STK33: variants seen among roughly 807,000 people sequenced by gnomAD.
STK33 encodes the protein serine/threonine-protein kinase 33.
STK33 carries 52 observed loss-of-function variants against 58.0 expected under a neutral mutation model. That is an observed-to-expected ratio of 0.90 (90% CI 0.72 to 1.13). The LOEUF (loss-of-function observed/expected upper bound fraction) is 1.13. Ranked by LOEUF, STK33 falls within the 50% of genes most tolerant of loss-of-function variation. STK33 has a pLI of 0.00. For missense variants in STK33, 630 were observed against 604.2 expected (o/e 1.04, Z -0.45); for synonymous variants, 215 against 200.1 (o/e 1.07, Z -0.63).
chr11:8,459,105 T>A (rs1947217757), intron 8 of STK33, among the ~76,000 whole-genome samples: 1 of 152,236 alleles, frequency 6.6e-6, no homozygotes, highest in Non-Finnish European at 1.5e-5. Context: ...GGATTAGCAG[T>A]ACTTGAAATA....
intron 1 of STK33, among the ~76,000 whole-genome samples, chr11:8,553,021 T>G (rs1355444556): frequency 6.7e-6 from 1 of 150,214 alleles, no homozygotes; most frequent in African/African-American, 2.4e-5. Flanking sequence ...GCCAGGCATG[T>G]GGCACACACC....
the STK33 span, among the ~76,000 whole-genome samples, chr11:8,360,301 G>A: frequency 1.3e-5 from 2 of 152,148 alleles, no homozygotes; most frequent in Non-Finnish European, 2.9e-5. Flanking sequence ...GGTTCAGGCC[G>A]GTTCCTCTGG....
the STK33 span, among the ~76,000 whole-genome samples, chr11:8,355,693 C>T: frequency 6.6e-6 from 1 of 152,230 alleles, no homozygotes; most frequent in Non-Finnish European, 1.5e-5. Context: ...ACCAACAGGC[C>T]ACTAAGCTTT....
chr11:8,442,137 G>A (rs1003422562), intron 11 of STK33, among the ~76,000 whole-genome samples: 1 of 151,712 alleles, frequency 6.6e-6, no homozygotes, highest in Non-Finnish European at 1.5e-5. Flanking sequence ...TTAAAGAGAT[G>A]AAAGGCAACA....
intron 1 of STK33, among the ~76,000 whole-genome samples, chr11:8,484,041 T>C (rs1487740592): frequency 1.3e-5 from 2 of 152,190 alleles, no homozygotes; most frequent in Non-Finnish European, 2.9e-5. Flanking sequence ...ATCTCAAAAG[T>C]CTTCTGAGAC....
At chr11:8,521,264 G>A (rs1042073766) in intron 1 of STK33, among the ~76,000 whole-genome samples, 2 of 152,066 alleles carry the variant, frequency 1.3e-5, no homozygotes, top group Non-Finnish European at 2.9e-5. Context: ...CATGGTACTG[G>A]TACCAAAACA....
chr11:8,352,974 G>A, the STK33 span, among the ~76,000 whole-genome samples: 3 of 152,202 alleles, frequency 2.0e-5, no homozygotes, highest in African/African-American at 4.8e-5. Context: ...CACCCGTGCT[G>A]TGTGAATGCC....
intron 1 of STK33, among the ~76,000 whole-genome samples, chr11:8,505,675 TA>T (rs1951814470): frequency 6.6e-6 from 1 of 152,204 alleles, no homozygotes; most frequent in South Asian, 2.1e-4. Context: ...CCTCAGACCG[TA>T]AGCGCTAAGG....
intron 1 of STK33, among the ~76,000 whole-genome samples, chr11:8,579,521 A>G (rs755094910): frequency 6.6e-6 from 1 of 152,006 alleles, no homozygotes; most frequent in Non-Finnish European, 1.5e-5. Flanking sequence ...AATATTTTTA[A>G]TTTAAGAGCA....
intron 9 of STK33, among the ~76,000 whole-genome samples, chr11:8,456,876 A>C (rs535593473): frequency 2.0e-5 from 3 of 152,122 alleles, no homozygotes; most frequent in Non-Finnish European, 4.4e-5. Context: ...ATATCAATCT[A>C]GTGGGGGATT....
intron 1 of STK33, among the ~76,000 whole-genome samples, chr11:8,507,943 T>A (rs1437803397): frequency 6.6e-6 from 1 of 152,200 alleles, no homozygotes; most frequent in Non-Finnish European, 1.5e-5. Flanking sequence ...CATGTTGCAG[T>A]GCAATGGCAC....
At chr11:8,588,025 G>A (rs921546627) in intron 1 of STK33, among the ~76,000 whole-genome samples, 3 of 152,134 alleles carry the variant, frequency 2.0e-5, no homozygotes, top group Non-Finnish European at 4.4e-5. Flanking sequence ...CTTGGTGGGG[G>A]TACTCTTCCT....
At chr11:8,496,037 C>T (rs557721642) in intron 1 of STK33, among the ~76,000 whole-genome samples, 9 of 151,944 alleles carry the variant, frequency 5.9e-5, no homozygotes, top group Non-Finnish European at 8.8e-5. Flanking sequence ...ACATGGTTCA[C>T]GCATACCTAT....
chr11:8,590,171 T>G (rs893823853), intron 1 of STK33, among the ~76,000 whole-genome samples: 2 of 152,194 alleles, frequency 1.3e-5, no homozygotes, highest in African/African-American at 4.8e-5. Flanking sequence ...GGAGACTGCA[T>G]TAACATTTTA....
the STK33 span, among the ~76,000 whole-genome samples, chr11:8,373,283 A>G: frequency 6.6e-6 from 1 of 152,360 alleles, no homozygotes; most frequent in East Asian, 1.9e-4. Context: ...AGGCCAGCCC[A>G]GACTCAAGGG....
intron 14 of STK33, among the ~76,000 whole-genome samples, chr11:8,418,753 T>C (rs1465515822): frequency 6.6e-6 from 1 of 151,920 alleles, no homozygotes; most frequent in Non-Finnish European, 1.5e-5. Flanking sequence ...TCACCAGCAT[T>C]TGTTATTTTT....
At chr11:8,462,790 A>G (rs1591275847) in intron 7 of STK33, among the ~76,000 whole-genome samples, 1 of 152,202 alleles carries the variant, frequency 6.6e-6, no homozygotes, top group East Asian at 1.9e-4. Flanking sequence ...TATCTCAGAA[A>G]TTCTAGAAGG....
rs1009653315 is a variant in STK33 at position 8,452,963 on chromosome 11, T to G, written c.787-57A>C. 53 of 1,445,758 alleles carry G rather than the reference T, an allele frequency of 3.7e-5. No individual in the cohort carries two copies. In the Admixed American group the frequency reaches 8.7e-4, roughly 24 times the overall value. The allele number at this position is 1,445,758 out of a possible 1,614,324, so 89.6% of individuals were successfully genotyped here. A position where few individuals can be genotyped will look rare whatever the true frequency, so the allele number is the denominator to read the frequency against. On this transcript the variant is annotated intron_variant, in intron 10 of 15. Transcript: ENST00000687296. Reference sequence around the variant, plus strand: ...TTTTCCTGTCCTAGAGCTCACTCATTCTGAAGATAAGACTTCACATTGAAT... The same window carrying G: ...TTTTCCTGTCCTAGAGCTCACTCATGCTGAAGATAAGACTTCACATTGAAT...
At chr11:8,370,266 T>C in the STK33 span, among the ~76,000 whole-genome samples, 1 of 151,972 alleles carries the variant, frequency 6.6e-6, no homozygotes, top group East Asian at 1.9e-4. Flanking sequence ...GGCACGATCA[T>C]AGCTCACTGC....
Sources: gnomAD v4.1 joint callset for allele counts (sites outside exome capture counted in the v4.1 genomes callset) on GRCh38, gnomAD v4.1.1 for gene constraint, MANE v1.5 for transcripts, NCBI Gene and HGNC (gene_info 2026-07-23, HGNC 2026-07-21) for gene names.